GRM5: variants seen among roughly 807,000 people sequenced by gnomAD.
GRM5 encodes the protein metabotropic glutamate receptor 5.
In GRM5, 19 loss-of-function variants were observed where a neutral mutation model predicts 83.1. The ratio of observed to expected loss-of-function variants is 0.23; its 90% confidence interval spans 0.16 to 0.34. The LOEUF is 0.34. GRM5 is among the 10% of genes least tolerant of loss of function. The pLI is 1.00. For synonymous variants in GRM5, 675 were observed against 633.6 expected (o/e 1.07, Z -0.98); for missense variants, 1,160 against 1,588.3 (o/e 0.73, Z 4.58).
At chr11:88,691,189 A>T (rs182602418) in intron 3 of GRM5, among the ~76,000 whole-genome samples, 1 of 152,204 alleles carries the variant, frequency 6.6e-6, no homozygotes, top group Non-Finnish European at 1.5e-5. Context: ...ATTTCTAATA[A>T]AGTTAAATAG....
chr11:88,921,777 T>A (rs34659457), intron 2 of GRM5, among the ~76,000 whole-genome samples: 1 of 152,120 alleles, frequency 6.6e-6, no homozygotes. Context: ...TAGAAAGAAG[T>A]AAATGGCTTC....
At chr11:88,571,096 T>C (rs1942990651) in intron 7 of GRM5, among the ~76,000 whole-genome samples, 1 of 152,170 alleles carries the variant, frequency 6.6e-6, no homozygotes, top group Non-Finnish European at 1.5e-5. Flanking sequence ...CCCCAGTTTT[T>C]CCTACTGTTC....
chr11:88,510,283 T>C (rs1941328674), intron 9 of GRM5, among the ~76,000 whole-genome samples: 1 of 152,200 alleles, frequency 6.6e-6, no homozygotes, highest in Non-Finnish European at 1.5e-5. Flanking sequence ...ATTAGGATCC[T>C]GGTGAATATT....
intron 3 of GRM5, among the ~76,000 whole-genome samples, chr11:88,798,437 G>A (rs1943323491): frequency 1.3e-5 from 2 of 152,076 alleles, no homozygotes; most frequent in Non-Finnish European, 2.9e-5. Flanking sequence ...TTTGTAGAAT[G>A]AATAAATGGG....
chr11:88,750,547 A>T (rs1292908132), intron 3 of GRM5, among the ~76,000 whole-genome samples: 1 of 152,168 alleles, frequency 6.6e-6, no homozygotes, highest in Non-Finnish European at 1.5e-5. Flanking sequence ...ATTAACAAAG[A>T]TATGCAGGAT....
At chr11:88,976,546 C>CAA (rs5793376) in intron 2 of GRM5, among the ~76,000 whole-genome samples, 5 of 142,604 alleles carry the variant, frequency 3.5e-5, no homozygotes, top group African/African-American at 1.3e-4. Context: ...CAGGGCTTGG[C>CAA]AAAAAAAAAA....
intron 3 of GRM5, among the ~76,000 whole-genome samples, chr11:88,828,649 TA>T (rs1196798577): frequency 6.6e-6 from 1 of 152,128 alleles, no homozygotes; most frequent in Admixed American, 6.6e-5. Flanking sequence ...TTAGTGAATG[TA>T]ATAAATCAAG....
chr11:88,860,427 G>T (rs1944542272), intron 2 of GRM5, among the ~76,000 whole-genome samples: 1 of 152,156 alleles, frequency 6.6e-6, no homozygotes, highest in South Asian at 2.1e-4. Flanking sequence ...TGTGTCAATG[G>T]GTCGGGTGGA....
intron 8 of GRM5, among the ~76,000 whole-genome samples, chr11:88,531,159 C>T (rs111272965): frequency 6.6e-6 from 1 of 152,082 alleles, no homozygotes; most frequent in Non-Finnish European, 1.5e-5. Flanking sequence ...CTGGAAGCAG[C>T]GTTGAGTTGC....
rs575485623 is a variant in GRM5, at chr11:88,721,417, G to T, written c.912-68014C>A. On this transcript the variant is annotated intron_variant, in intron 3 of 9. Coordinates refer to ENST00000305447, the MANE Select transcript of GRM5 (RefSeq NM_001143831.3). ...TTGATTCTATTAACTGAAGAATATA[G>T]CACTGCAAACTGTACAAAAGTTAGA... Among the ~76,000 whole-genome samples, 6 of 152,142 alleles carry T rather than the reference G, an allele frequency of 3.9e-5. No individual in the cohort carries two copies. In the Middle Eastern group the frequency reaches 0.01, roughly 259 times the overall value.
intron 3 of GRM5, among the ~76,000 whole-genome samples, chr11:88,746,358 C>T (rs1463253167): frequency 6.6e-6 from 1 of 151,980 alleles, no homozygotes; most frequent in Admixed American, 6.6e-5. Flanking sequence ...CTTTTTCCTT[C>T]TACTGGGCAA....
At chr11:88,807,648 T>C (rs1461973622) in intron 3 of GRM5, among the ~76,000 whole-genome samples, 3 of 152,074 alleles carry the variant, frequency 2.0e-5, no homozygotes, top group Non-Finnish European at 4.4e-5. Flanking sequence ...TTATCATTGG[T>C]AATCAGTCTG....
chr11:88,891,108 G>T (rs867170422), intron 2 of GRM5, among the ~76,000 whole-genome samples: 2 of 151,984 alleles, frequency 1.3e-5, no homozygotes, highest in Non-Finnish European at 2.9e-5. Flanking sequence ...TTAGCAAAAT[G>T]GGTTATAAAA....
chr11:88,778,280 C>T (rs1465571140), intron 3 of GRM5, among the ~76,000 whole-genome samples: 5 of 152,238 alleles, frequency 3.3e-5, no homozygotes, highest in African/African-American at 7.2e-5. Flanking sequence ...GAGAGAATCA[C>T]CTTGTCTGCC....
chr11:89,039,945 C>T (rs1565347484), intron 2 of GRM5, among the ~76,000 whole-genome samples: 1 of 152,176 alleles, frequency 6.6e-6, no homozygotes, highest in Non-Finnish European at 1.5e-5. Flanking sequence ...GTGCACACCA[C>T]CATGTCTAGC....
chr11:88,832,959 AC>A (rs1173909912), intron 3 of GRM5, among the ~76,000 whole-genome samples: 1 of 151,956 alleles, frequency 6.6e-6, no homozygotes, highest in Admixed American at 6.5e-5. Flanking sequence ...ATATATAAAA[AC>A]ATCTTAAATG....
At chr11:88,667,217 AAC>A (rs1940067665) in intron 3 of GRM5, among the ~76,000 whole-genome samples, 1 of 152,186 alleles carries the variant, frequency 6.6e-6, no homozygotes, top group East Asian at 1.9e-4. Context: ...AACATGGAAA[AAC>A]ACAATTTTTG....
intron 8 of GRM5, among the ~76,000 whole-genome samples, chr11:88,541,268 G>A (rs1205216873): frequency 2.6e-5 from 4 of 152,024 alleles, no homozygotes; most frequent in East Asian, 1.9e-4. Flanking sequence ...CCAAAGAAAC[G>A]TTTACTGATG....
chr11:89,029,493 T>C (rs1364874740), intron 2 of GRM5, among the ~76,000 whole-genome samples: 1 of 152,200 alleles, frequency 6.6e-6, no homozygotes, highest in Non-Finnish European at 1.5e-5. Flanking sequence ...GCAGGACATA[T>C]ACATACATAT....
Sources: gnomAD v4.1 joint callset for allele counts (sites outside exome capture counted in the v4.1 genomes callset) on GRCh38, gnomAD v4.1.1 for gene constraint, MANE v1.5 for transcripts, NCBI Gene and HGNC (gene_info 2026-07-23, HGNC 2026-07-21) for gene names.